FARS2: variants seen among roughly 807,000 people sequenced by gnomAD.
FARS2 encodes the protein phenylalanine--tRNA ligase, mitochondrial.
Under a neutral mutation model 46.4 loss-of-function variants are expected in FARS2, and 40 were observed. The ratio of observed to expected loss-of-function variants is 0.86; its 90% CI spans 0.67 to 1.12. FARS2 has a LOEUF of 1.12. FARS2 is among the 50% of genes most tolerant of loss of function. The pLI is 0.00. For synonymous variants in FARS2, 234 were observed against 214.9 expected (o/e 1.09, Z -0.78); for missense variants, 513 against 567.9 (o/e 0.90, Z 0.98).
intron 6 of FARS2, among the ~76,000 whole-genome samples, chr6:5,672,298 G>A (rs1778513968): frequency 6.6e-6 from 1 of 152,178 alleles, no homozygotes; most frequent in South Asian, 2.1e-4. Flanking sequence ...AGCCACCTCA[G>A]CCTCACTATC....
chr6:5,290,553 A>G (rs746157208), intron 1 of FARS2, among the ~76,000 whole-genome samples: 1 of 152,242 alleles, frequency 6.6e-6, no homozygotes, highest in Admixed American at 6.5e-5. Flanking sequence ...TGCTAAATGT[A>G]GAAAGTAGCT....
intron 3 of FARS2, among the ~76,000 whole-genome samples, chr6:5,423,980 A>G (rs1762707390): frequency 6.6e-6 from 1 of 152,168 alleles, no homozygotes; most frequent in Non-Finnish European, 1.5e-5. Context: ...TATGACTGCC[A>G]GCCACATTTA....
chr6:5,436,005 C>T (rs182026864), intron 4 of FARS2, among the ~76,000 whole-genome samples: 5 of 152,048 alleles, frequency 3.3e-5, no homozygotes, highest in Admixed American at 6.6e-5. Flanking sequence ...AAGGCTATAG[C>T]GAAGTGAATC....
intron 4 of FARS2, among the ~76,000 whole-genome samples, chr6:5,491,230 T>C (rs1008372560): frequency 9.2e-5 from 14 of 152,202 alleles, no homozygotes; most frequent in African/African-American, 3.4e-4. Flanking sequence ...TATCTTCTCT[T>C]GTGAAGGGTT....
chr6:5,398,939 A>G (rs1208012654), intron 2 of FARS2, among the ~76,000 whole-genome samples: 1 of 151,888 alleles, frequency 6.6e-6, no homozygotes, highest in African/African-American at 2.4e-5. Context: ...AGTGTACAAT[A>G]TTTGCTATGT....
intron 1 of FARS2, among the ~76,000 whole-genome samples, chr6:5,310,078 A>G (rs2127546502): frequency 6.6e-6 from 1 of 152,318 alleles, no homozygotes; most frequent in Non-Finnish European, 1.5e-5. Flanking sequence ...ATGGACCTGA[A>G]ATTAGATTAT....
At chr6:5,316,140 G>C (rs1769500996) in intron 1 of FARS2, among the ~76,000 whole-genome samples, 1 of 152,246 alleles carries the variant, frequency 6.6e-6, no homozygotes. Context: ...AAAACAGCCA[G>C]AGAGGTTTTA....
At chr6:5,575,410 T>G (rs1772902977) in intron 5 of FARS2, among the ~76,000 whole-genome samples, 2 of 152,194 alleles carry the variant, frequency 1.3e-5, no homozygotes, top group Non-Finnish European at 2.9e-5. Flanking sequence ...GAGGATCACC[T>G]GTGTATCTGT....
chr6:5,398,251 C>A (rs1331296180), intron 2 of FARS2, among the ~76,000 whole-genome samples: 1 of 152,124 alleles, frequency 6.6e-6, no homozygotes, highest in Non-Finnish European at 1.5e-5. Flanking sequence ...TGGTTATTTT[C>A]TTTCTAATTT....
chr6:5,364,042 A>C (rs541776587), intron 1 of FARS2, among the ~76,000 whole-genome samples: 1 of 152,200 alleles, frequency 6.6e-6, no homozygotes, highest in Non-Finnish European at 1.5e-5. Context: ...TTCCCTCTAC[A>C]AAAGATGATC....
intron 4 of FARS2, among the ~76,000 whole-genome samples, chr6:5,529,537 A>G (rs1582365184): frequency 6.6e-6 from 1 of 152,142 alleles, no homozygotes; most frequent in African/African-American, 2.4e-5. Context: ...CAATCTCTTG[A>G]CCTCGTGATC....
chr6:5,475,803 T>C (rs147740821), intron 4 of FARS2, among the ~76,000 whole-genome samples: 1,698 of 152,254 alleles, frequency 0.011, 24 homozygotes, highest in South Asian at 0.057. Flanking sequence ...TTCCACTCTT[T>C]GCCTGTCTCC....
intron 1 of FARS2, among the ~76,000 whole-genome samples, chr6:5,361,608 C>T (rs1234294461): frequency 6.6e-6 from 1 of 152,180 alleles, no homozygotes; most frequent in Non-Finnish European, 1.5e-5. Flanking sequence ...CTTGACTTGG[C>T]TTTGTATCAG....
chr6:5,414,693 G>A (rs1445941090), intron 3 of FARS2, among the ~76,000 whole-genome samples: 1 of 151,030 alleles, frequency 6.6e-6, no homozygotes, highest in Non-Finnish European at 1.5e-5. Context: ...TCCAGGTTTT[G>A]GCTATTGCAA....
Position 5,368,584 on chromosome 6 carries a change from C to T in FARS2, c.14C>T (p.Ala5Val). The T allele has an allele frequency of 6.2e-7, 1 of 1,610,736 alleles. No individual in the cohort carries two copies. The highest frequency in any genetic ancestry group is 8.5e-7 in the Non-Finnish European group (1 of 1,177,896). The change falls in exon 2 of 7, where the codon GCT becomes GTT. Residue 5 changes from alanine to valine, a missense_variant. Transcript: ENST00000274680. ...GAAGTTTCTACAATGGTGGGCTCAGCTCTCAGGAGAGGTGCCCATGCATAT... is the reference window on the plus strand; with the variant it reads ...GAAGTTTCTACAATGGTGGGCTCAGTTCTCAGGAGAGGTGCCCATGCATAT... The part of the protein sequence containing the change: MVGS[A>V]LRRGAHAYVY...
intron 4 of FARS2, among the ~76,000 whole-genome samples, chr6:5,498,821 T>C (rs534036238): frequency 1.5e-4 from 23 of 152,310 alleles, no homozygotes; most frequent in African/African-American, 4.6e-4. Context: ...CTTAATTGAA[T>C]TGGGAAAACC....
At chr6:5,296,347 T>C (rs548277663) in intron 1 of FARS2, among the ~76,000 whole-genome samples, 92 of 152,168 alleles carry the variant, frequency 6.0e-4, no homozygotes, top group East Asian at 2.1e-3. Context: ...TTCACTGTGT[T>C]AGCCAGGATG....
intron 6 of FARS2, among the ~76,000 whole-genome samples, chr6:5,761,027 A>T (rs1762451492): frequency 6.6e-6 from 1 of 152,132 alleles, no homozygotes; most frequent in Admixed American, 6.5e-5. Context: ...TTTGAAATGG[A>T]AGGGGAAATA....
chr6:5,551,163 A>T (rs963182326), intron 5 of FARS2, among the ~76,000 whole-genome samples: 10 of 152,362 alleles, frequency 6.6e-5, no homozygotes, highest in Admixed American at 3.3e-4. Context: ...TTCCTCAGCT[A>T]AATATCCAAG....
Sources: allele counts gnomAD v4.1 joint callset (sites outside exome capture counted in the v4.1 genomes callset), GRCh38; gene constraint gnomAD v4.1.1; transcripts MANE v1.5; gene names NCBI Gene and HGNC (gene_info 2026-07-23, HGNC 2026-07-21).